VPS51: variants seen among roughly 807,000 people sequenced by gnomAD.
VPS51 encodes the protein VPS51 subunit of GARP complex, also known as vacuolar protein sorting-associated protein 51 homolog.
Under a neutral mutation model 65.1 loss-of-function variants are expected in VPS51, and 55 were observed. That is an observed-to-expected ratio of 0.84 (90% CI 0.68 to 1.06). The LOEUF (loss-of-function observed/expected upper bound fraction) is 1.06, where lower values mean the gene tolerates loss of function less well. Ranked by LOEUF, VPS51 falls within the 50% of genes least tolerant of loss-of-function variation. The probability of loss-of-function intolerance (pLI) is 0.00; values close to 1 mark genes in which losing one functional copy is unlikely to be tolerated. For synonymous variants in VPS51, 473 were observed against 489.5 expected, an observed-to-expected ratio of 0.97 and a Z score of 0.44; for missense variants, 943 against 1,101.6, an observed-to-expected ratio of 0.86 and a Z score of 2.04.
rs1237890641 is a variant in VPS51, at chr11:65,107,796, C to T, written c.506-7C>T. ...CTCTGGGGCTAACGTCACCCTCCGT[C>T]CCCCAGGGGTCCACGCGCTGCTGCG... is the stretch of plus-strand genomic sequence containing the variant. On this transcript the variant is annotated splice_polypyrimidine_tract_variant and splice_region_variant and intron_variant, in intron 3 of 9. Transcript: ENST00000279281. The surrounding 1 kb of genome is among the most constrained non-coding windows in gnomAD (Gnocchi z 4.0). 1.0e-5 allele frequency: 16 copies of T among 1,593,458 alleles called. No homozygotes were observed. Among genetic ancestry groups the T allele is most frequent in the Non-Finnish European group, 1.4e-5 (16 of 1,171,588 alleles).
At chr11:65,100,738 A>T (rs1156468328) in intron 2 of VPS51, among the ~76,000 whole-genome samples, 3 of 151,784 alleles carry the variant, frequency 2.0e-5, no homozygotes, top group Non-Finnish European at 2.9e-5. Flanking sequence ...TAGAGACGGG[A>T]TTCCACCTTG....
At chr11:65,108,072 A>G in intron 4 of VPS51, 50 bp downstream of exon 4, 2 of 1,491,330 alleles carry the variant, frequency 1.3e-6, no homozygotes, top group South Asian at 1.3e-5. Flanking sequence ...CCCGAGCCCC[A>G]TCTGTGCCCG....
chr11:65,096,403 C>T lies in VPS51; in HGVS notation c.153C>T (p.Arg51=), dbSNP rs868090272. 5.2e-6 allele frequency: 8 copies of T among 1,533,486 alleles called. No individual in the cohort carries two copies. The highest frequency in any genetic ancestry group is 3.7e-5 in the South Asian group (3 of 81,258). 95.0% of individuals were successfully genotyped at this position (1,533,486 alleles called of 1,614,324 possible). A position where few individuals can be genotyped will look rare whatever the true frequency, so the allele number is the denominator to read the frequency against. The change falls in exon 1 of 10, where the codon CGC becomes CGT. Residue 51 remains arginine, a synonymous_variant. Transcript: ENST00000279281. Reference sequence around the variant, plus strand: ...TCTCGGAAGGGGAGGCGGCGGGACGCCCCGCGGGGCCCGACCCCCTGGACC... The same window carrying T: ...TCTCGGAAGGGGAGGCGGCGGGACGTCCCGCGGGGCCCGACCCCCTGGACC... ...YGLSEGEAAG[R]PAGPDPLDPT... is the part of the protein sequence containing the mutation.
At position 65,108,361 on chromosome 11, in the gene VPS51, C is replaced by T. The variant is rs777155033; in HGVS notation, c.890C>T (p.Ala297Val). Residue 297 changes from alanine (A) to valine (V), a missense_variant, in exon 5 of 10, where the codon GCT becomes GTT. By Grantham distance (64) the Ala-to-Val change is moderately conservative. Around this residue, in one of 2 missense-constraint regions of VPS51, gnomAD observed 855 missense variants for 953.7 expected, o/e 0.90. Coordinates refer to ENST00000279281, the MANE Select transcript of VPS51 (RefSeq NM_013265.4). ...GCCGAGCTGGGGCCCTCACCTCCGG[C>T]TCCCGACGTGTTAGAGTTCACCGAC... ...LEAELGPSPP[A>V]PDVLEFTDHG... 20 of 1,612,012 alleles carry T rather than the reference C, an allele frequency of 1.2e-5. No individual in the cohort carries two copies. Among genetic ancestry groups the T allele is most frequent in the Non-Finnish European group, 1.7e-5 (20 of 1,179,668 alleles).
In VPS51 at chr11:65,111,389, G is replaced by T; in HGVS notation, c.2151G>T (p.Leu717=). The change falls in exon 10 of 10, where the codon CTG becomes CTT. Residue 717 remains leucine (L), a synonymous_variant. Transcript: ENST00000279281. ...SLKTLLECVR[L]RTFGRFGLQQ... Reference sequence around the variant, plus strand: ...AGACGCTGCTGGAGTGTGTGCGGCTGCGCACCTTTGGGCGCTTCGGGCTGC... The same window carrying T: ...AGACGCTGCTGGAGTGTGTGCGGCTTCGCACCTTTGGGCGCTTCGGGCTGC... 6.2e-7 allele frequency: 1 copy of T among 1,612,536 alleles called. No individual in the cohort carries two copies. Among genetic ancestry groups the T allele is most frequent in the East Asian group, 2.2e-5 (1 of 44,892 alleles).
In VPS51 at chr11:65,111,250, G is replaced by T. The variant is rs754007312; in HGVS notation, c.2089-77G>T. The T allele has an allele frequency of 5.7e-6, 9 of 1,589,676 alleles. No homozygotes were observed. In the South Asian group the frequency reaches 1.0e-4, roughly 18 times the overall value. On this transcript the variant is annotated intron_variant, in intron 9 of 9. Coordinates refer to ENST00000279281, the MANE Select transcript of VPS51 (RefSeq NM_013265.4). Reference sequence around the variant, plus strand: ...AGCTACTTCCATCGTATGTCTCCCGGGCCCCTGCTTGGAACTTGGGTGTCC... The same window carrying T: ...AGCTACTTCCATCGTATGTCTCCCGTGCCCCTGCTTGGAACTTGGGTGTCC...
intron 1 of VPS51, 48 bp from the exon 2 acceptor site, chr11:65,096,950 G>C: frequency 1.2e-6 from 2 of 1,608,536 alleles, no homozygotes; most frequent in Non-Finnish European, 1.7e-6. Context: ...CAAGGCTGGG[G>C]GACATGAATG....
chr11:65,102,344 G>A (rs1947815255), intron 2 of VPS51, among the ~76,000 whole-genome samples: 2 of 152,226 alleles, frequency 1.3e-5, no homozygotes, highest in African/African-American at 2.4e-5. Flanking sequence ...AAGATAAACA[G>A]TGTAGTCTTT....
At chr11:65,100,051 C>T (rs758103725) in intron 2 of VPS51, among the ~76,000 whole-genome samples, 3 of 151,918 alleles carry the variant, frequency 2.0e-5, no homozygotes, top group African/African-American at 7.3e-5. Flanking sequence ...TGCAGTGAGT[C>T]GAGATCGCGC....
At chr11:65,101,947 A>T (rs1947811615) in intron 2 of VPS51, among the ~76,000 whole-genome samples, 1 of 151,276 alleles carries the variant, frequency 6.6e-6, no homozygotes. Context: ...GTCCCCTCCC[A>T]AGGTAGCCAA....
Position 65,107,868 on chromosome 11 carries a change from G to T in VPS51, c.571G>T (p.Val191Leu), listed in dbSNP as rs543553538. 2 of 1,551,354 alleles carry T rather than the reference G, an allele frequency of 1.3e-6. No homozygotes were observed. The highest frequency in any genetic ancestry group is 1.9e-5 in the Admixed American group (1 of 51,300). ...FELPSRLTKC[V>L]ELGAYGQAVR... is the part of the protein sequence containing the mutation. ...GCTGCCCTCGCGCCTCACCAAGTGC[G>T]TGGAACTGGGCGCCTATGGGCAGGC... is the stretch of plus-strand genomic sequence containing the variant. Residue 191 changes from valine (V) to leucine (L), a missense_variant, in exon 4 of 10, where the codon GTG (valine) becomes TTG (leucine). Val to Leu is a conservative substitution (Grantham distance 32). Around this residue, in one of 2 missense-constraint regions of VPS51, gnomAD observed 855 missense variants for 953.7 expected, o/e 0.90. Transcript: ENST00000279281. The surrounding 1 kb of genome is among the most constrained non-coding windows in gnomAD (Gnocchi z 4.0).
chr11:65,110,165 TCTC>T, intron 7 of VPS51: 1 of 621,554 alleles, frequency 1.6e-6, no homozygotes, highest in Non-Finnish European at 2.8e-6. Flanking sequence ...TCTTGTTCCT[TCTC>T]AGCCCAGGAT....
At chr11:65,099,484 C>T (rs1269387199) in intron 2 of VPS51, among the ~76,000 whole-genome samples, 2 of 152,102 alleles carry the variant, frequency 1.3e-5, no homozygotes, top group African/African-American at 4.8e-5. Context: ...GAATAGATTC[C>T]TCCAGCTGCA....
chr11:65,110,747 G>A lies in VPS51; in HGVS notation c.2054G>A (p.Arg685His), dbSNP rs757481687. 2 of 1,614,146 alleles carry A rather than the reference G, an allele frequency of 1.2e-6. No individual in the cohort carries two copies. The highest frequency in any genetic ancestry group is 1.1e-5 in the South Asian group (1 of 91,080). ...AATATCCAGAAGCTATTCTCTGAAC[G>A]TATTGATGTGTTCAGCCCTGTGGAG... ...LSNIQKLFSE[R>H]IDVFSPVEFN... The change falls in exon 9 of 10, where the codon CGT becomes CAT. Residue 685 changes from arginine (R) to histidine (H), a missense_variant. This residue lies in a region of VPS51 where 88 missense variants were observed against 147.8 expected (regional missense o/e 0.60). Transcript: ENST00000279281.
rs139095439 is a variant in VPS51, at chr11:65,111,211, TTCTGCCTCATCCC to T, written c.2089-115_2089-103del. 2,659 of 1,489,268 alleles carry T rather than the reference TTCTGCCTCATCCC, an allele frequency of 1.8e-3. 50 individuals are homozygous for T. In the African/African-American group the frequency reaches 0.032, roughly 18 times the overall value. The allele number at this position is 1,489,268 out of a possible 1,614,324, so 92.3% of individuals were successfully genotyped here. A position where few individuals can be genotyped will look rare whatever the true frequency, so the allele number is the denominator to read the frequency against. On this transcript the variant is annotated intron_variant, in intron 9 of 9. Transcript: ENST00000279281. ...CCCTTCTTATCTGGCCCCGGAGACT[TTCTGCCTCATCCC>T]AGCTACTTCCATCGTATGTCTCCCG...
rs1947849776 is a variant in VPS51 at position 65,107,455 on chromosome 11, C to T, written c.359-126C>T. The T allele has an allele frequency of 1.6e-6, 2 of 1,220,976 alleles. No individual in the cohort carries two copies. Among genetic ancestry groups the T allele is most frequent in the Admixed American group, 2.5e-5 (1 of 40,322 alleles). 75.6% of individuals were successfully genotyped at this position (1,220,976 alleles called of 1,614,324 possible). A position where few individuals can be genotyped will look rare whatever the true frequency, so the allele number is the denominator to read the frequency against. ...GACCCACGCCCTCGCAGTCCTTTCT[C>T]TGGAATCATCCATGCGCCCCTGGAG... On this transcript the variant is annotated intron_variant, in intron 2 of 9. Coordinates refer to ENST00000279281, the MANE Select transcript of VPS51 (RefSeq NM_013265.4). The surrounding 1 kb of genome is among the most constrained non-coding windows in gnomAD (Gnocchi z 4.0).
intron 2 of VPS51, among the ~76,000 whole-genome samples, chr11:65,100,977 G>A (rs1036491172): frequency 1.3e-5 from 2 of 152,120 alleles, no homozygotes; most frequent in Non-Finnish European, 2.9e-5. Context: ...TACTGACACA[G>A]GCTACAACAT....
intron 2 of VPS51, among the ~76,000 whole-genome samples, chr11:65,102,128 C>G (rs1765144571): frequency 6.6e-6 from 1 of 151,516 alleles, no homozygotes; most frequent in Non-Finnish European, 1.5e-5. Context: ...AGTGATTCTC[C>G]TGTCTTAGGC....
chr11:65,111,157 C>T lies in VPS51; in HGVS notation c.2089-170C>T, dbSNP rs1947895740. On this transcript the variant is annotated intron_variant, in intron 9 of 9. Transcript: ENST00000279281. ...CTGGGCCCTACCTGTCCCCTGCCCT[C>T]CAGATGACGGCGCTAATATTGTATC... The T allele has an allele frequency of 2.9e-6, 3 of 1,039,344 alleles. 1 individual carries two copies. Among genetic ancestry groups the T allele is most frequent in the South Asian group, 2.7e-5 (2 of 73,518 alleles). The allele number at this position is 1,039,344 out of a possible 1,614,324, so 64.4% of individuals were successfully genotyped here. A position where few individuals can be genotyped will look rare whatever the true frequency, so the allele number is the denominator to read the frequency against.
Sources: gnomAD v4.1 joint callset for allele counts (sites outside exome capture counted in the v4.1 genomes callset) on GRCh38, gnomAD v4.1.1 for gene constraint, gnomAD v4.1.1 regional missense constraint, Gnocchi (gnomAD v3.1) non-coding constraint, MANE v1.5 for transcripts, NCBI Gene and HGNC (gene_info 2026-07-23, HGNC 2026-07-21) for gene names.